Variants in GRM8 observed in about 807,000 individuals in gnomAD.
GRM8 encodes metabotropic glutamate receptor 8.
GRM8 carries 47 observed loss-of-function variants against 87.2 expected under a neutral mutation model. The observed-to-expected ratio is 0.54, with a 90% CI of 0.43 to 0.69. The LOEUF (loss-of-function observed/expected upper bound fraction) is 0.69. Among genes scored for constraint, GRM8 ranks in the 30% least tolerant of loss-of-function variants. The pLI is 0.00. For missense variants in GRM8, 1,019 were observed against 1,139.2 expected (o/e 0.89, Z 1.52); for synonymous variants, 396 against 404.5 (o/e 0.98, Z 0.25).
At chr7:126,770,433 C>T (rs1368511879) in intron 6 of GRM8, among the ~76,000 whole-genome samples, 1 of 152,030 alleles carries the variant, frequency 6.6e-6, no homozygotes, top group East Asian at 1.9e-4. Context: ...TCTGTCTCAG[C>T]TCCAGGAGTG....
chr7:126,914,014 G>A (rs1253558225), intron 3 of GRM8, among the ~76,000 whole-genome samples: 2 of 152,144 alleles, frequency 1.3e-5, no homozygotes, highest in African/African-American at 2.4e-5. Flanking sequence ...GAATCTTAAA[G>A]GGACTCTGAA....
intron 8 of GRM8, among the ~76,000 whole-genome samples, chr7:126,546,642 T>G (rs1817192239): frequency 6.6e-6 from 1 of 152,160 alleles, no homozygotes; most frequent in Admixed American, 6.6e-5. Flanking sequence ...CAAAATAATT[T>G]GGTAGTAATT....
At chr7:126,965,416 C>T (rs1809748982) in intron 3 of GRM8, among the ~76,000 whole-genome samples, 1 of 151,934 alleles carries the variant, frequency 6.6e-6, no homozygotes. Flanking sequence ...AAACACTGTC[C>T]CCTCCATTAA....
chr7:126,968,799 G>C (rs1467002018), intron 3 of GRM8, among the ~76,000 whole-genome samples: 1 of 152,094 alleles, frequency 6.6e-6, no homozygotes, highest in Non-Finnish European at 1.5e-5. Flanking sequence ...GGATGGTTGT[G>C]GGATGGAAGT....
intron 8 of GRM8, among the ~76,000 whole-genome samples, chr7:126,563,648 G>A (rs1404911548): frequency 2.0e-5 from 3 of 152,032 alleles, no homozygotes; most frequent in African/African-American, 7.2e-5. Context: ...CTGGGAAAGA[G>A]CCATGTTTAG....
At chr7:126,632,043 T>C (rs766746408) in intron 7 of GRM8, among the ~76,000 whole-genome samples, 15 of 152,012 alleles carry the variant, frequency 9.9e-5, no homozygotes, top group Non-Finnish European at 2.2e-4. Context: ...GATCTAATTA[T>C]ACTAAAGAGC....
At chr7:126,590,332 G>C (rs527976204) in intron 8 of GRM8, among the ~76,000 whole-genome samples, 1 of 151,556 alleles carries the variant, frequency 6.6e-6, no homozygotes, top group South Asian at 2.1e-4. Context: ...CAAAGACAAA[G>C]AAAAAAAGAA....
chr7:127,069,981 C>T (rs1259740649), intron 3 of GRM8, among the ~76,000 whole-genome samples: 1 of 152,158 alleles, frequency 6.6e-6, no homozygotes, highest in Non-Finnish European at 1.5e-5. Flanking sequence ...AATATCCTAT[C>T]TGAAAACAAA....
chr7:126,915,161 G>A (rs2213970), intron 3 of GRM8, among the ~76,000 whole-genome samples: 63 of 152,220 alleles, frequency 4.1e-4, no homozygotes, highest in African/African-American at 1.3e-3. Context: ...TATGAATCTC[G>A]TCTCTAGGGT....
intron 6 of GRM8, among the ~76,000 whole-genome samples, chr7:126,777,834 T>C (rs1819641592): frequency 1.3e-5 from 2 of 152,110 alleles, no homozygotes; most frequent in Admixed American, 6.6e-5. Flanking sequence ...CATCCACTTA[T>C]GGAAAAGTTG....
chr7:126,873,451 C>G (rs1207782904), intron 6 of GRM8, among the ~76,000 whole-genome samples: 1 of 152,032 alleles, frequency 6.6e-6, no homozygotes, highest in Admixed American at 6.6e-5. Flanking sequence ...ATTTAACTCT[C>G]ACACACCCTT....
chr7:127,220,146 A>G lies in GRM8; in HGVS notation c.510+22549T>C, dbSNP rs544932207. Among the ~76,000 whole-genome samples, 11 of 152,314 alleles carry G rather than the reference A, an allele frequency of 7.2e-5. No individual in the cohort carries two copies. The South Asian group carries it at 2.3e-3, about 32-fold the overall frequency. ...GAAGGAAACTGTCTGCAGTAGAGGG[A>G]GGAGCTCCACTAACTTCGAACAGCT... is the stretch of plus-strand genomic sequence containing the variant. On this transcript the variant is annotated intron_variant, in intron 2 of 10. Coordinates refer to ENST00000339582, the MANE Select transcript of GRM8 (RefSeq NM_000845.3).
At chr7:127,249,849 G>T (rs1461004674) in intron 1 of GRM8, among the ~76,000 whole-genome samples, 3 of 152,134 alleles carry the variant, frequency 2.0e-5, no homozygotes, top group Non-Finnish European at 4.4e-5. Context: ...CAAGAAAACA[G>T]CAAGTTTCCT....
chr7:127,105,647 TG>T (rs1825735547), intron 3 of GRM8, among the ~76,000 whole-genome samples: 1 of 152,206 alleles, frequency 6.6e-6, no homozygotes, highest in South Asian at 2.1e-4. Context: ...AAAAAATCAA[TG>T]GACACTTTAA....
rs1242443732 is a variant in GRM8, at chr7:126,966,491, AG to A, written c.728-61809del. Reference sequence around the variant, plus strand: ...CACCTTAAAAGGAAAGGAAAACAATAGTAGGCATCAGCTTGCATGCTGGAAA... The same window carrying A: ...CACCTTAAAAGGAAAGGAAAACAATATAGGCATCAGCTTGCATGCTGGAAA... On this transcript the variant is annotated intron_variant, in intron 3 of 10. Transcript: ENST00000339582. Among the ~76,000 whole-genome samples, 3 of 152,198 alleles carry A rather than the reference AG, an allele frequency of 2.0e-5. No individual in the cohort carries two copies. The East Asian group carries it at 5.8e-4, about 29-fold the overall frequency.
chr7:126,790,120 G>T (rs1585943553), intron 6 of GRM8, among the ~76,000 whole-genome samples: 1 of 151,720 alleles, frequency 6.6e-6, no homozygotes. Flanking sequence ...TGATTCTCCT[G>T]CCTCAGCCTC....
intron 2 of GRM8, among the ~76,000 whole-genome samples, chr7:127,113,498 G>C (rs892668776): frequency 1.1e-4 from 16 of 152,024 alleles, no homozygotes; most frequent in African/African-American, 3.9e-4. Context: ...TGCCAAAAAA[G>C]GTTTTTGTTC....
At chr7:127,071,580 G>A (rs1378400956) in intron 3 of GRM8, among the ~76,000 whole-genome samples, 5 of 152,086 alleles carry the variant, frequency 3.3e-5, no homozygotes, top group African/African-American at 4.8e-5. Context: ...TTAGTTGGTC[G>A]GACTGGATCA....
At chr7:126,748,603 T>G (rs147430364) in intron 7 of GRM8, among the ~76,000 whole-genome samples, 29 of 42,576 alleles carry the variant, frequency 6.8e-4, no homozygotes, top group African/African-American at 1.2e-3. Context: ...GCAGGTCGGG[T>G]TTTTTTTTTT....
Sources: gnomAD v4.1 joint callset for allele counts (sites outside exome capture counted in the v4.1 genomes callset) on GRCh38, gnomAD v4.1.1 for gene constraint, MANE v1.5 for transcripts, NCBI Gene and HGNC (gene_info 2026-07-23, HGNC 2026-07-21) for gene names.